FBXO25: variants seen among roughly 807,000 people sequenced by gnomAD.
FBXO25 encodes the protein F-box protein 25.
Under a neutral mutation model 51.9 loss-of-function variants are expected in FBXO25, and 45 were observed. The ratio of observed to expected loss-of-function variants is 0.87; its 90% CI spans 0.68 to 1.11. The LOEUF is 1.11. Ranked by LOEUF, FBXO25 falls within the 50% of genes most tolerant of loss-of-function variation. The pLI is 0.00. For synonymous variants in FBXO25, 199 were observed against 151.0 expected, an observed-to-expected ratio of 1.32 and a Z score of -2.33; for missense variants, 507 against 428.5, an observed-to-expected ratio of 1.18 and a Z score of -1.62.
At chr8:458,718 A>G (rs1180575884) in intron 8 of FBXO25, among the ~76,000 whole-genome samples, 167 bp downstream of exon 8, 1 of 152,206 alleles carries the variant, frequency 6.6e-6, no homozygotes, top group African/African-American at 2.4e-5. Context: ...TCTCTCCTAT[A>G]GAATGTAAGG....
chr8:423,148 C>G (rs1193163705), intron 2 of FBXO25, among the ~76,000 whole-genome samples: 1 of 151,050 alleles, frequency 6.6e-6, no homozygotes, highest in Non-Finnish European at 1.5e-5. Flanking sequence ...GCAATTGGGA[C>G]TACAGGGTTT....
intron 5 of FBXO25, among the ~76,000 whole-genome samples, chr8:446,822 A>T (rs947944822): frequency 6.6e-6 from 1 of 152,160 alleles, no homozygotes. Context: ...AAAGATTATC[A>T]TGTAATTGTC....
intron 5 of FBXO25, among the ~76,000 whole-genome samples, chr8:445,684 T>A (rs1798696088): frequency 6.6e-6 from 1 of 152,100 alleles, no homozygotes. Flanking sequence ...GAAACCTGTC[T>A]CTACTAAAAA....
At chr8:424,021 A>G (rs1382256239) in intron 2 of FBXO25, among the ~76,000 whole-genome samples, 1 of 151,374 alleles carries the variant, frequency 6.6e-6, no homozygotes. Flanking sequence ...TGTGGTTTTG[A>G]TGCATTTCTC....
chr8:432,754 C>G (rs568042184), intron 3 of FBXO25, 132 bp from the exon 4 acceptor site: 1 of 1,172,026 alleles, frequency 8.5e-7, no homozygotes, highest in African/African-American at 1.6e-5. Flanking sequence ...CATTCACCCA[C>G]GTAAAAGCAT....
intron 8 of FBXO25, among the ~76,000 whole-genome samples, chr8:458,823 C>G (rs578032208): frequency 3.3e-5 from 5 of 152,180 alleles, no homozygotes; most frequent in Non-Finnish European, 4.4e-5. Flanking sequence ...CTGTTGATAA[C>G]GAGGTGCATA....
intron 9 of FBXO25, among the ~76,000 whole-genome samples, chr8:463,763 G>C (rs1799967706): frequency 1.3e-5 from 2 of 152,044 alleles, no homozygotes; most frequent in South Asian, 4.1e-4. Context: ...CAGACTGTGT[G>C]TCTAAATAGA....
At position 465,525 on chromosome 8, in the gene FBXO25, C is replaced by G. The variant is rs1458222837; in HGVS notation, c.987+2375C>G. Among the ~76,000 whole-genome samples the G allele has an allele frequency of 2.0e-5, 3 of 152,300 alleles. No individual in the cohort carries two copies. In the East Asian group the frequency reaches 5.8e-4, roughly 29 times the overall value. ...GGAGCTCTCCCTGTCTGCTGAGCAA[C>G]TAACAAAGAAATACACAGTCCTTCG... On this transcript the variant is annotated intron_variant, in intron 9 of 9. Coordinates refer to ENST00000350302, the MANE Select transcript of FBXO25 (RefSeq NM_183420.2).
chr8:448,710 T>C (rs11995933), intron 5 of FBXO25, among the ~76,000 whole-genome samples: 34,244 of 151,716 alleles, frequency 0.23, 4,239 homozygotes, highest in East Asian at 0.36. Context: ...TGGTTAGAGG[T>C]TTGTTGACTG....
chr8:453,277 T>A (rs1397497074), intron 7 of FBXO25, among the ~76,000 whole-genome samples: 5 of 152,322 alleles, frequency 3.3e-5, no homozygotes, highest in African/African-American at 1.2e-4. Flanking sequence ...ACCTTGAACT[T>A]GTTTCTTCTC....
chr8:456,316 C>G (rs1479671455), intron 7 of FBXO25, among the ~76,000 whole-genome samples: 1 of 152,126 alleles, frequency 6.6e-6, no homozygotes, highest in Non-Finnish European at 1.5e-5. Context: ...CTCAGGTGAT[C>G]CTCCCACCTC....
At chr8:422,158 C>CA (rs1563067064) in intron 2 of FBXO25, among the ~76,000 whole-genome samples, 1 of 152,098 alleles carries the variant, frequency 6.6e-6, no homozygotes, top group Non-Finnish European at 1.5e-5. Context: ...AGTCTCCCCC[C>CA]AAATAGCTAT....
intron 2 of FBXO25, among the ~76,000 whole-genome samples, chr8:416,973 C>G (rs1226017830): frequency 1.9e-4 from 29 of 152,106 alleles, no homozygotes; most frequent in Admixed American, 1.8e-3. Context: ...AAGAAGCAAT[C>G]TGTGGAAGGA....
intron 3 of FBXO25, among the ~76,000 whole-genome samples, chr8:431,810 T>G (rs1170402600): frequency 1.3e-5 from 2 of 152,148 alleles, no homozygotes; most frequent in African/African-American, 4.8e-5. Context: ...AGCTGGAGTT[T>G]AGGATGTTAG....
At chr8:445,781 G>T (rs1312411870) in intron 5 of FBXO25, among the ~76,000 whole-genome samples, 1 of 152,214 alleles carries the variant, frequency 6.6e-6, no homozygotes, top group Admixed American at 6.5e-5. Flanking sequence ...TGAGGCTAGA[G>T]AATCGCTTGA....
In FBXO25 at chr8:472,088, G is replaced by T. The variant is rs970875603; in HGVS notation, c.*3284G>T. 2.0e-5 allele frequency: 3 copies of T among 152,160 alleles called. No homozygotes were observed. The highest frequency in any genetic ancestry group is 4.4e-5 in the Non-Finnish European group (3 of 68,040). 9.4% of individuals were successfully genotyped at this position (152,160 alleles called of 1,614,324 possible). A position where few individuals can be genotyped will look rare whatever the true frequency, so the allele number is the denominator to read the frequency against. ...CTTTCTTACCCCGTTTCGCTGGCTA[G>T]AATCTCTAGTACAATGTTGAATAGC... On this transcript the variant is annotated 3_prime_UTR_variant, in exon 10 of 10. Coordinates refer to ENST00000350302, the MANE Select transcript of FBXO25 (RefSeq NM_183420.2).
At chr8:455,980 T>C (rs903716156) in intron 7 of FBXO25, among the ~76,000 whole-genome samples, 3 of 152,236 alleles carry the variant, frequency 2.0e-5, no homozygotes, top group African/African-American at 2.4e-5. Context: ...CACACCAGAC[T>C]CTATAACTCT....
rs565516107 is a variant in FBXO25, at chr8:435,712, G to T, written c.381+5G>T. The T allele has an allele frequency of 6.4e-7, 1 of 1,570,338 alleles. No homozygotes were observed. The highest frequency in any genetic ancestry group is 2.3e-5 in the East Asian group (1 of 44,350). On this transcript the variant is annotated splice_donor_5th_base_variant and intron_variant, in intron 5 of 9. Coordinates refer to ENST00000350302, the MANE Select transcript of FBXO25 (RefSeq NM_183420.2). ...AGGTTCAATTATGTGGTCAAAGTAA[G>T]TGTTCTATTTCAAAAACTACTTTGA...
intron 2 of FBXO25, among the ~76,000 whole-genome samples, chr8:427,568 C>T (rs1375110358): frequency 2.4e-4 from 36 of 149,466 alleles, no homozygotes; most frequent in Admixed American, 2.4e-3. Flanking sequence ...TGGCTTAAAA[C>T]CACAGAAATG....
Sources: allele counts gnomAD v4.1 joint callset (sites outside exome capture counted in the v4.1 genomes callset), GRCh38; gene constraint gnomAD v4.1.1; transcripts MANE v1.5; gene names NCBI Gene and HGNC (gene_info 2026-07-23, HGNC 2026-07-21).